TANC2: variants seen among roughly 807,000 people sequenced by gnomAD.
The protein encoded by TANC2 is tetratricopeptide repeat, ankyrin repeat and coiled-coil containing 2, also known as protein TANC2.
TANC2 carries 26 observed loss-of-function variants against 210.5 expected under a neutral mutation model. The ratio of observed to expected loss-of-function variants is 0.12; its 90% CI spans 0.09 to 0.17. The LOEUF is 0.17. Ranked by LOEUF, TANC2 falls within the 10% of genes least tolerant of loss-of-function variation. TANC2 has a pLI of 1.00. For synonymous variants in TANC2, 931 were observed against 967.1 expected, an observed-to-expected ratio of 0.96 and a Z score of 0.69; for missense variants, 2,129 against 2,608.9, an observed-to-expected ratio of 0.82 and a Z score of 4.01.
At chr17:63,369,590 G>C (rs954186188) in intron 14 of TANC2, among the ~76,000 whole-genome samples, 1 of 131,384 alleles carries the variant, frequency 7.6e-6, no homozygotes, top group African/African-American at 2.9e-5. Flanking sequence ...GTCTCACTCT[G>C]TTGCCCATGC....
chr17:63,231,326 C>A (rs1382427363), intron 7 of TANC2, among the ~76,000 whole-genome samples: 2 of 152,054 alleles, frequency 1.3e-5, no homozygotes, highest in African/African-American at 4.8e-5. Flanking sequence ...ATTTTGCAGG[C>A]TTGTTGATGT....
chr17:63,234,227 T>C (rs2042558349), intron 7 of TANC2, among the ~76,000 whole-genome samples: 1 of 152,202 alleles, frequency 6.6e-6, no homozygotes, highest in Non-Finnish European at 1.5e-5. Context: ...AAGAGTACAG[T>C]ACTATATTCC....
At chr17:63,005,977 T>C (rs920572451) in intron 1 of TANC2, among the ~76,000 whole-genome samples, 3 of 149,284 alleles carry the variant, frequency 2.0e-5, no homozygotes, top group African/African-American at 7.4e-5. Flanking sequence ...TTAATAGAGA[T>C]AGGGCTATTT....
intron 19 of TANC2, among the ~76,000 whole-genome samples, chr17:63,403,724 T>C (rs1254301262): frequency 3.3e-5 from 5 of 152,176 alleles, no homozygotes; most frequent in Non-Finnish European, 5.9e-5. Context: ...AGACAAGCCA[T>C]AGATAGAACT....
At chr17:63,138,406 C>T (rs2039169240) in intron 4 of TANC2, among the ~76,000 whole-genome samples, 1 of 152,146 alleles carries the variant, frequency 6.6e-6, no homozygotes, top group Admixed American at 6.5e-5. Flanking sequence ...TTTATAAATA[C>T]ATAGGCTGAA....
chr17:63,246,928 C>T (rs145379425), intron 8 of TANC2, among the ~76,000 whole-genome samples: 74 of 152,188 alleles, frequency 4.9e-4, no homozygotes, highest in African/African-American at 1.6e-3. Flanking sequence ...GCATTCCCAC[C>T]GGCAGTGTAC....
At chr17:63,350,929 G>A (rs1028746314) in intron 12 of TANC2, among the ~76,000 whole-genome samples, 1 of 147,332 alleles carries the variant, frequency 6.8e-6, no homozygotes, top group Non-Finnish European at 1.5e-5. Context: ...TCATGTGTAA[G>A]AGAAAAATTA....
intron 14 of TANC2, among the ~76,000 whole-genome samples, chr17:63,373,477 A>G (rs915419464): frequency 1.3e-5 from 2 of 152,156 alleles, no homozygotes; most frequent in Non-Finnish European, 1.5e-5. Flanking sequence ...TTAGTGTGGT[A>G]ATTGAACTAG....
intron 2 of TANC2, among the ~76,000 whole-genome samples, chr17:63,028,459 G>T (rs2034640541): frequency 6.6e-6 from 1 of 152,106 alleles, no homozygotes; most frequent in African/African-American, 2.4e-5. Flanking sequence ...GTAGTAAATT[G>T]TAAAAACATA....
intron 13 of TANC2, 89 bp downstream of exon 13, chr17:63,351,505 TCTA>T (rs1370836858): frequency 4.7e-6 from 5 of 1,059,054 alleles, no homozygotes; most frequent in Non-Finnish European, 6.6e-6. Flanking sequence ...TTCATAAACT[TCTA>T]CTATGTCCTA....
intron 3 of TANC2, among the ~76,000 whole-genome samples, chr17:63,089,507 G>T (rs1323296799): frequency 6.6e-6 from 1 of 152,172 alleles, no homozygotes; most frequent in Non-Finnish European, 1.5e-5. Flanking sequence ...GTAGGTGGGT[G>T]CCAGATCATG....
At chr17:63,295,388 A>G (rs1352635157) in intron 9 of TANC2, among the ~76,000 whole-genome samples, 1 of 152,250 alleles carries the variant, frequency 6.6e-6, no homozygotes, top group Non-Finnish European at 1.5e-5. Context: ...ATCTTAATAG[A>G]CTATTTCTCA....
At chr17:63,194,286 C>A in intron 6 of TANC2, 147 bp downstream of exon 6, 1 of 976,014 alleles carries the variant, frequency 1.0e-6, no homozygotes. Flanking sequence ...TATGAATAAT[C>A]TTTTAGCTTT....
intron 8 of TANC2, among the ~76,000 whole-genome samples, chr17:63,256,774 T>TATG (rs2043207784): frequency 1.3e-5 from 2 of 152,184 alleles, no homozygotes; most frequent in Admixed American, 1.3e-4. Flanking sequence ...GTTAGGTGCA[T>TATG]ATGTATTTGG....
At chr17:63,297,614 G>C (rs1421409779) in intron 9 of TANC2, among the ~76,000 whole-genome samples, 1 of 152,050 alleles carries the variant, frequency 6.6e-6, no homozygotes, top group African/African-American at 2.4e-5. Context: ...CTTAGAAAAA[G>C]AGTACAGGAA....
intron 9 of TANC2, among the ~76,000 whole-genome samples, chr17:63,309,970 GA>G (rs11308887): frequency 0.57 from 86,240 of 150,518 alleles, 26,854 homozygotes; most frequent in African/African-American, 0.83. Context: ...CCCTTTGGGG[GA>G]AAAAAAAAAG....
intron 11 of TANC2, among the ~76,000 whole-genome samples, chr17:63,333,377 G>A (rs2045922979): frequency 6.6e-6 from 1 of 152,158 alleles, no homozygotes; most frequent in Non-Finnish European, 1.5e-5. Flanking sequence ...TTCAGTGGAG[G>A]AAGTAACTGC....
chr17:63,308,960 T>G (rs1177525503), intron 9 of TANC2, among the ~76,000 whole-genome samples: 1 of 152,192 alleles, frequency 6.6e-6, no homozygotes. Flanking sequence ...TATTGTTAGC[T>G]TCCATCTGCA....
chr17:63,415,813 T>A, intron 26 of TANC2, 139 bp downstream of exon 26: 1 of 1,002,924 alleles, frequency 1.0e-6, no homozygotes, highest in Non-Finnish European at 1.4e-6. Flanking sequence ...CACTGACATT[T>A]GCAATTTGAA....
Sources: allele counts gnomAD v4.1 joint callset (sites outside exome capture counted in the v4.1 genomes callset), GRCh38; gene constraint gnomAD v4.1.1; transcripts MANE v1.5; gene names NCBI Gene and HGNC (gene_info 2026-07-23, HGNC 2026-07-21).